The following CDHR2 variants were observed in gnomAD, a reference collection of about 807,000 sequenced individuals.
CDHR2 encodes cadherin-related family member 2.
A neutral mutation model predicts 138.6 loss-of-function variants in CDHR2; 104 were observed. That is an observed-to-expected ratio of 0.75 (90% CI 0.64 to 0.88). CDHR2 has a LOEUF of 0.88. Ranked by LOEUF, CDHR2 falls within the 40% of genes least tolerant of loss-of-function variation. The pLI, the probability that CDHR2 is intolerant of heterozygous loss-of-function variation, is 0.00. For missense variants in CDHR2, 1,624 were observed against 1,727.6 expected, an observed-to-expected ratio of 0.94 and a Z score of 1.06; for synonymous variants, 755 against 742.8, an observed-to-expected ratio of 1.02 and a Z score of -0.27.
rs941709845 is a variant in CDHR2 at position 176,584,633 on chromosome 5, C to A, written c.2352C>A (p.Asp784Glu). ...TGACAGTGAGTGCTGAGAACCCAGACCCCCAGGGGGGTGAGACCATAGTAG... is the reference window on the plus strand; with the variant it reads ...TGACAGTGAGTGCTGAGAACCCAGAACCCCAGGGGGGTGAGACCATAGTAG... ...FNLTVSAENPDPQGGETIVDV... is the reference protein window; with the variant it reads ...FNLTVSAENPEPQGGETIVDV... Residue 784 changes from aspartate to glutamate, a missense_variant, in exon 19 of 32, where the codon GAC becomes GAA. This residue lies in a region of CDHR2 where 1,061 missense variants were observed against 1,136.6 expected (regional missense o/e 0.93). Coordinates refer to ENST00000261944, the MANE Select transcript of CDHR2 (RefSeq NM_017675.6). 23 of 1,610,422 alleles carry A rather than the reference C, an allele frequency of 1.4e-5. No individual in the cohort carries two copies. The highest frequency in any genetic ancestry group is 1.6e-4 in the Middle Eastern group (1 of 6,070).
chr5:176,565,771 A>G, intron 3 of CDHR2, 28 bp downstream of exon 3: 1 of 1,594,048 alleles, frequency 6.3e-7, no homozygotes, highest in Non-Finnish European at 8.6e-7. Flanking sequence ...TGTCTGCCCC[A>G]TGTCAGGTCC....
chr5:176,578,439 G>T lies in CDHR2; in HGVS notation c.1649G>T (p.Ser550Ile). Reference sequence around the variant, plus strand: ...AACGGTGAGCTGCTGGACCGGGAGAGCCAGGCCGTGTACTACCTGACGCTG... The same window carrying T: ...AACGGTGAGCTGCTGGACCGGGAGATCCAGGCCGTGTACTACCTGACGCTG... The part of the protein sequence containing the change: ...VRNGELLDRE[S>I]QAVYYLTLQA... The change falls in exon 16 of 32, where the codon AGC (serine) becomes ATC (isoleucine). Residue 550 changes from serine to isoleucine, a missense_variant. By Grantham distance (142) the Ser-to-Ile change is moderately radical. Coordinates refer to ENST00000261944, the MANE Select transcript of CDHR2 (RefSeq NM_017675.6). 11 of 1,613,924 alleles carry T rather than the reference G, an allele frequency of 6.8e-6. No homozygotes were observed. Among genetic ancestry groups the T allele is most frequent in the Non-Finnish European group, 9.3e-6 (11 of 1,179,868 alleles).
rs974307661 is a variant in CDHR2, at chr5:176,590,076, A to C, written c.3207-2A>C. 1.2e-6 allele frequency: 2 copies of C among 1,613,200 alleles called. No homozygotes were observed. Among genetic ancestry groups the C allele is most frequent in the Non-Finnish European group, 1.7e-6 (2 of 1,179,460 alleles). On this transcript the variant is annotated splice_acceptor_variant, in intron 24 of 31. Coordinates refer to ENST00000261944, the MANE Select transcript of CDHR2 (RefSeq NM_017675.6). LOFTEE classifies it high-confidence loss of function. Reference sequence around the variant, plus strand: ...CCTCTGTGACATCTGCCTTCTTTGCAGGGCTCTTACCCAGGCAACCAGGAC... The same window carrying C: ...CCTCTGTGACATCTGCCTTCTTTGCCGGGCTCTTACCCAGGCAACCAGGAC...
chr5:176,544,462 C>T, upstream of CDHR2, among the ~76,000 whole-genome samples: 1 of 4,438 alleles, frequency 2.3e-4, no homozygotes, highest in Admixed American at 4.3e-3. Context: ...CTTTTTTTGA[C>T]GGAGTCTTAC....
At chr5:176,573,725 G>C (rs1399319680) in intron 6 of CDHR2, among the ~76,000 whole-genome samples, 4 of 152,134 alleles carry the variant, frequency 2.6e-5, no homozygotes, top group Non-Finnish European at 5.9e-5. Flanking sequence ...CTCCAGCTCT[G>C]TAGGGCGCTG....
chr5:176,575,731 G>C lies in CDHR2; in HGVS notation c.852G>C (p.Thr284=), dbSNP rs770979823. Residue 284 remains threonine (T), a synonymous_variant, in exon 11 of 32, where the codon ACG becomes ACC. Coordinates refer to ENST00000261944, the MANE Select transcript of CDHR2 (RefSeq NM_017675.6). The part of the protein sequence containing the change: ...DPVIYSISYS[T]RPGWFDIGAD... ...CGCCTTTCTCCTTGCCAGACTCCACGCGGCCCGGCTGGTTTGACATCGGGG... is the reference window on the plus strand; with the variant it reads ...CGCCTTTCTCCTTGCCAGACTCCACCCGGCCCGGCTGGTTTGACATCGGGG... The C allele has an allele frequency of 1.3e-6, 2 of 1,577,260 alleles. No homozygotes were observed. The highest frequency in any genetic ancestry group is 1.7e-6 in the Non-Finnish European group (2 of 1,161,080).
intron 30 of CDHR2, among the ~76,000 whole-genome samples, chr5:176,592,197 GTGCTGA>G (rs1561883457): frequency 1.4e-5 from 2 of 147,730 alleles, no homozygotes; most frequent in African/African-American, 5.1e-5. Flanking sequence ...GGTGATGATG[GTGCTGA>G]TGGTGATGGT....
At chr5:176,572,413 A>G (rs1758258931) in intron 6 of CDHR2, among the ~76,000 whole-genome samples, 1 of 151,804 alleles carries the variant, frequency 6.6e-6, no homozygotes, top group Non-Finnish European at 1.5e-5. Flanking sequence ...AAATAAATAA[A>G]TAATAAAAAA....
At chr5:176,578,139 C>A in intron 15 of CDHR2, 44 bp downstream of exon 15, 1 of 1,542,358 alleles carries the variant, frequency 6.5e-7, no homozygotes, top group Non-Finnish European at 8.9e-7. Flanking sequence ...TGAGCAGGGC[C>A]CAGGCCCACC....
Position 176,590,692 on chromosome 5 carries a change from G to A in CDHR2, c.3539+5G>A, listed in dbSNP as rs371007055. ...CTTCGTGTGTGTGCGGAAGAGGTGC[G>A]GCTCCCATTGCCCCCGTGTCTCCAA... On this transcript the variant is annotated splice_donor_5th_base_variant and intron_variant, in intron 28 of 31. Transcript: ENST00000261944. 38 of 1,612,702 alleles carry A rather than the reference G, an allele frequency of 2.4e-5. No homozygotes were observed. Among genetic ancestry groups the A allele is most frequent in the East Asian group, 4.5e-5 (2 of 44,882 alleles).
chr5:176,583,319 G>A (rs1307987913), intron 17 of CDHR2, among the ~76,000 whole-genome samples: 1 of 152,244 alleles, frequency 6.6e-6, no homozygotes, highest in Non-Finnish European at 1.5e-5. Context: ...GTGAGTTAGG[G>A]TGACCTTGAG....
At chr5:176,547,973 G>A (rs541713806), upstream of CDHR2, among the ~76,000 whole-genome samples, 7 of 152,266 alleles carry the variant, frequency 4.6e-5, no homozygotes, top group South Asian at 2.1e-4. Flanking sequence ...AGGCAATTTC[G>A]TCATTGTGTG....
chr5:176,554,041 C>T lies in CDHR2; in HGVS notation c.-16+4627C>T, dbSNP rs546004138. On this transcript the variant is annotated intron_variant, in intron 1 of 31. Coordinates refer to ENST00000261944, the MANE Select transcript of CDHR2 (RefSeq NM_017675.6). ...CTGAGAACTTACTAATTCCCCTGAGCGGTGGGGCACATCTGTATTTATCAG... is the reference window on the plus strand; with the variant it reads ...CTGAGAACTTACTAATTCCCCTGAGTGGTGGGGCACATCTGTATTTATCAG... Among the ~76,000 whole-genome samples the T allele has an allele frequency of 6.6e-5, 10 of 152,310 alleles. No homozygotes were observed. In the South Asian group the frequency reaches 1.4e-3, roughly 22 times the overall value.
chr5:176,572,275 C>CT (rs1758254440), intron 6 of CDHR2, among the ~76,000 whole-genome samples: 1 of 151,662 alleles, frequency 6.6e-6, no homozygotes, highest in Non-Finnish European at 1.5e-5. Context: ...GTAATCCCAG[C>CT]TACTCAGGAG....
rs755273586 is a variant in CDHR2, at chr5:176,591,467, T to C, written c.3717T>C (p.Asn1239=). ...DLGLEYLSPS[N]DLDSVSVNSL... Reference sequence around the variant, plus strand: ...GCTTGGAGTACCTCTCTCCCTCCAATGACCTGGACTCTGTCAGGTGAGCAG... The same window carrying C: ...GCTTGGAGTACCTCTCTCCCTCCAACGACCTGGACTCTGTCAGGTGAGCAG... The change falls in exon 30 of 32, where the codon AAT becomes AAC. Residue 1239 remains asparagine, a synonymous_variant. Coordinates refer to ENST00000261944, the MANE Select transcript of CDHR2 (RefSeq NM_017675.6). 10 of 1,613,512 alleles carry C rather than the reference T, an allele frequency of 6.2e-6. No individual in the cohort carries two copies. Among genetic ancestry groups the C allele is most frequent in the African/African-American group, 1.3e-5 (1 of 74,934 alleles).
chr5:176,565,501 C>A, intron 2 of CDHR2, 97 bp downstream of exon 2: 2 of 1,333,054 alleles, frequency 1.5e-6, no homozygotes, highest in African/African-American at 1.4e-5. Flanking sequence ...CAAACACCAG[C>A]TCCTATGGGC....
At chr5:176,557,010 CTCTCTCTT>C (rs1408014845) in intron 1 of CDHR2, among the ~76,000 whole-genome samples, 6 of 38,848 alleles carry the variant, frequency 1.5e-4, no homozygotes, top group Non-Finnish European at 7.9e-4. Flanking sequence ...TTCTCTCTCT[CTCTCTCTT>C]TTTTTTTTTT....
chr5:176,570,898 A>G (rs541608281), intron 5 of CDHR2, among the ~76,000 whole-genome samples: 1 of 151,604 alleles, frequency 6.6e-6, no homozygotes, highest in Non-Finnish European at 1.5e-5. Flanking sequence ...TTGCATTGAG[A>G]TGAGATCACG....
Position 176,553,414 on chromosome 5 carries a change from G to A in CDHR2, c.-16+4000G>A, listed in dbSNP as rs1166779017. On this transcript the variant is annotated intron_variant, in intron 1 of 31. Transcript: ENST00000261944. The surrounding 1 kb of genome is among the most constrained non-coding windows in gnomAD (Gnocchi z 4.3). The stretch of plus-strand genomic sequence containing the variant: ...TTCCCATTTTCCTCTGGGACTGGGA[G>A]GAGGGACCCTGAGGGCAGGAATCTC... Among the ~76,000 whole-genome samples, 1 of 152,180 alleles carries A rather than the reference G, an allele frequency of 6.6e-6. No homozygotes were observed. Among genetic ancestry groups the A allele is most frequent in the Non-Finnish European group, 1.5e-5 (1 of 68,028 alleles).
Sources: gnomAD v4.1 joint callset for allele counts (sites outside exome capture counted in the v4.1 genomes callset) on GRCh38, gnomAD v4.1.1 for gene constraint, gnomAD v4.1.1 regional missense constraint, Gnocchi (gnomAD v3.1) non-coding constraint, MANE v1.5 for transcripts, NCBI Gene and HGNC (gene_info 2026-07-23, HGNC 2026-07-21) for gene names.